Variants in ANO2 observed in about 807,000 individuals in gnomAD.
ANO2 encodes anoctamin 2.
A neutral mutation model predicts 124.2 loss-of-function variants in ANO2; 101 were observed. The ratio of observed to expected loss-of-function variants is 0.81; its 90% CI spans 0.69 to 0.96. The LOEUF is 0.96. ANO2 is among the 40% of genes least tolerant of loss of function. The probability of loss-of-function intolerance (pLI) is 0.00; values close to 1 mark genes in which losing one functional copy is unlikely to be tolerated. For missense variants in ANO2, 1,293 were observed against 1,274.5 expected (o/e 1.01, Z -0.22); for synonymous variants, 486 against 482.5 (o/e 1.01, Z -0.09).
chr12:5,669,305 G>A (rs532518458), intron 14 of ANO2, among the ~76,000 whole-genome samples: 33 of 151,842 alleles, frequency 2.2e-4, no homozygotes, highest in East Asian at 1.9e-3. Flanking sequence ...TGTAGCAATC[G>A]TGAATGGGAG....
At chr12:5,836,270 T>C (rs193203976) in intron 4 of ANO2, among the ~76,000 whole-genome samples, 4 of 152,210 alleles carry the variant, frequency 2.6e-5, no homozygotes, top group African/African-American at 9.7e-5. Flanking sequence ...AAACAATGAA[T>C]AATCTTTAGC....
rs746994965 is a variant in ANO2 at position 5,922,651 on chromosome 12, G to A, written c.176C>T (p.Pro59Leu). 1 of 1,552,412 alleles carries A rather than the reference G, an allele frequency of 6.4e-7. No individual in the cohort carries two copies. The highest frequency in any genetic ancestry group is 1.2e-5 in the South Asian group (1 of 84,622). ...QGGSNRDPGQPCGGESTRSSS... is the reference protein window; with the variant it reads ...QGGSNRDPGQLCGGESTRSSS... ...GCTGCGGGTGCTCTCTCCACCGCAG[G>A]GCTGGCCAGGATCTCTGTTGGAACC... is the stretch of plus-strand genomic sequence containing the variant. Residue 59 changes from proline (P) to leucine (L), a missense_variant, in exon 2 of 25, where the codon CCC (proline) becomes CTC (leucine). Pro to Leu is a moderately conservative substitution (Grantham distance 98). Transcript: ENST00000682330.
At chr12:5,680,110 G>A (rs1350382453) in intron 14 of ANO2, among the ~76,000 whole-genome samples, 3 of 152,138 alleles carry the variant, frequency 2.0e-5, no homozygotes, top group Admixed American at 6.5e-5. Flanking sequence ...CACACTGGGG[G>A]AACAACACAC....
intron 14 of ANO2, among the ~76,000 whole-genome samples, chr12:5,703,788 A>G (rs1323974610): frequency 6.6e-6 from 1 of 152,200 alleles, no homozygotes; most frequent in Non-Finnish European, 1.5e-5. Context: ...GGCTCAGGCC[A>G]TCAGCCCTTC....
At chr12:5,806,808 A>G (rs1953209835) in intron 8 of ANO2, among the ~76,000 whole-genome samples, 1 of 152,246 alleles carries the variant, frequency 6.6e-6, no homozygotes, top group African/African-American at 2.4e-5. Flanking sequence ...TTTTTTTAAA[A>G]TAATGATCTT....
intron 20 of ANO2, among the ~76,000 whole-genome samples, chr12:5,581,277 T>C (rs1942742857): frequency 6.6e-6 from 1 of 152,202 alleles, no homozygotes; most frequent in African/African-American, 2.4e-5. Flanking sequence ...GTTCTTATCA[T>C]GAGTGACTTC....
intron 10 of ANO2, among the ~76,000 whole-genome samples, chr12:5,781,896 C>T (rs1008936251): frequency 2.0e-5 from 3 of 152,104 alleles, no homozygotes; most frequent in Non-Finnish European, 2.9e-5. Context: ...GGTAAATGGT[C>T]CATGTGCATG....
intron 17 of ANO2, 96 bp from the exon 18 acceptor site, chr12:5,613,054 C>T (rs191124858): frequency 5.6e-6 from 7 of 1,258,682 alleles, no homozygotes; most frequent in Middle Eastern, 1.9e-4. Flanking sequence ...CACCACTGTC[C>T]TCTTCGAAAG....
chr12:5,574,530 C>T (rs1171216559), intron 23 of ANO2, among the ~76,000 whole-genome samples: 6 of 151,814 alleles, frequency 4.0e-5, no homozygotes, highest in African/African-American at 1.5e-4. Context: ...CATCCCAGTC[C>T]TCTGACTTCA....
chr12:5,701,136 C>T (rs910828311), intron 14 of ANO2, among the ~76,000 whole-genome samples: 7 of 144,556 alleles, frequency 4.8e-5, no homozygotes, highest in South Asian at 2.2e-4. Flanking sequence ...CTCTGTCGCC[C>T]GGGCAGGGTG....
chr12:5,844,294 T>C (rs894832695), intron 4 of ANO2, among the ~76,000 whole-genome samples: 1 of 152,188 alleles, frequency 6.6e-6, no homozygotes, highest in Non-Finnish European at 1.5e-5. Context: ...CAGTCCAGCA[T>C]GGGTAAACCC....
intron 11 of ANO2, among the ~76,000 whole-genome samples, chr12:5,745,314 C>A (rs1951233794): frequency 6.6e-6 from 1 of 152,142 alleles, no homozygotes; most frequent in Non-Finnish European, 1.5e-5. Flanking sequence ...GCTCATGGTT[C>A]AGGGGGAAAG....
chr12:5,843,043 C>T (rs1954569229), intron 4 of ANO2, among the ~76,000 whole-genome samples: 1 of 152,176 alleles, frequency 6.6e-6, no homozygotes, highest in Admixed American at 6.5e-5. Flanking sequence ...AGCTGTCCCT[C>T]TATTGAAAAC....
chr12:5,724,203 A>T (rs1950343791), intron 14 of ANO2, among the ~76,000 whole-genome samples: 1 of 152,146 alleles, frequency 6.6e-6, no homozygotes, highest in Admixed American at 6.5e-5. Context: ...TACTACAAGA[A>T]TCTCTGGCAA....
At chr12:5,805,971 C>T (rs1242968811) in intron 9 of ANO2, 81 bp downstream of exon 9, 1 of 1,403,666 alleles carries the variant, frequency 7.1e-7, no homozygotes, top group Non-Finnish European at 9.9e-7. Flanking sequence ...AAGAGAACAT[C>T]TAAGACACTT....
intron 20 of ANO2, among the ~76,000 whole-genome samples, chr12:5,595,705 A>G (rs992219803): frequency 6.6e-6 from 1 of 152,218 alleles, no homozygotes; most frequent in Non-Finnish European, 1.5e-5. Context: ...CAAACACAAT[A>G]CTAGGACAGA....
rs1333179573 is a variant in ANO2, at chr12:5,748,415, G to GCTA, written c.1190+2418_1190+2420dup. Among the ~76,000 whole-genome samples the GCTA allele has an allele frequency of 2.6e-5, 4 of 152,148 alleles. No homozygotes were observed. The East Asian group carries it at 7.7e-4, about 29-fold the overall frequency. The stretch of plus-strand genomic sequence containing the variant: ...ACACACCCAGGCAAGCCCACGTGAA[G>GCTA]CTACTGAGTTGTGAAGGAGGATATG... On this transcript the variant is annotated intron_variant, in intron 11 of 24. Transcript: ENST00000682330.
chr12:5,924,946 G>A lies in ANO2; in HGVS notation c.23-2142C>T, dbSNP rs552646294. On this transcript the variant is annotated intron_variant, in intron 1 of 24. Transcript: ENST00000682330. ...GATATTTTTTGGTTTACATGTGATG[G>A]GGCTCAGGCTCAGGGCTCTAAAAAA... 5.3e-5 allele frequency among the ~76,000 whole-genome samples: 8 copies of A among 152,244 alleles called. No individual in the cohort carries two copies. The South Asian group carries it at 1.5e-3, about 28-fold the overall frequency.
rs1250215829 is a variant in ANO2, at chr12:5,945,189, A to G, written c.22+7T>C. The G allele has an allele frequency of 3.8e-5, 49 of 1,288,578 alleles. No individual in the cohort carries two copies. Among genetic ancestry groups the G allele is most frequent in the Middle Eastern group, 2.1e-4 (1 of 4,704 alleles). 79.8% of individuals were successfully genotyped at this position (1,288,578 alleles called of 1,614,324 possible). On this transcript the variant is annotated splice_region_variant and intron_variant, in intron 1 of 24. Transcript: ENST00000682330. ...AGACCAGGACCAGGTCCAGCCGGAA[A>G]ACTCACCGCGCGGCCCGGGAGTCGC...
Sources: allele counts gnomAD v4.1 joint callset (sites outside exome capture counted in the v4.1 genomes callset), GRCh38; gene constraint gnomAD v4.1.1; transcripts MANE v1.5; gene names NCBI Gene and HGNC (gene_info 2026-07-23, HGNC 2026-07-21).